KCNH7: variants seen among roughly 807,000 people sequenced by gnomAD.
KCNH7 encodes potassium voltage-gated channel subfamily H member 7, also known as voltage-gated inwardly rectifying potassium channel KCNH7.
A neutral mutation model predicts 120.8 loss-of-function variants in KCNH7; 49 were observed. That is an observed-to-expected ratio of 0.41 (90% CI 0.32 to 0.51). The LOEUF (loss-of-function observed/expected upper bound fraction) is 0.51. KCNH7 is among the 20% of genes least tolerant of loss of function. The pLI, the probability that KCNH7 is intolerant of heterozygous loss-of-function variation, is 0.38. For synonymous variants in KCNH7, 547 were observed against 516.1 expected (o/e 1.06, Z -0.81); for missense variants, 1,097 against 1,446.6 (o/e 0.76, Z 3.92).
intron 13 of KCNH7, among the ~76,000 whole-genome samples, chr2:162,384,027 G>A (rs1686502991): frequency 6.6e-6 from 1 of 151,652 alleles, no homozygotes; most frequent in Admixed American, 6.6e-5. Context: ...TGCTAAAATA[G>A]TTGTTCTTCC....
At chr2:162,672,976 A>G (rs895859434) in intron 2 of KCNH7, among the ~76,000 whole-genome samples, 19 of 152,034 alleles carry the variant, frequency 1.2e-4, no homozygotes, top group African/African-American at 4.6e-4. Context: ...AATTCCTAGT[A>G]AAATGTAGCT....
chr2:162,650,812 G>A (rs908245699), intron 2 of KCNH7, among the ~76,000 whole-genome samples: 3 of 152,084 alleles, frequency 2.0e-5, no homozygotes, highest in African/African-American at 2.4e-5. Flanking sequence ...TATCTGATAC[G>A]TAGGAGGCAT....
intron 2 of KCNH7, among the ~76,000 whole-genome samples, chr2:162,671,243 G>T (rs1302739281): frequency 1.3e-5 from 2 of 152,034 alleles, no homozygotes; most frequent in Non-Finnish European, 2.9e-5. Flanking sequence ...TTATCAAAAA[G>T]ACACCTAGAC....
chr2:162,786,915 C>T lies in KCNH7; in HGVS notation c.307+49622G>A, dbSNP rs146719376. 8.8e-3 allele frequency among the ~76,000 whole-genome samples: 1,344 copies of T among 152,238 alleles called. 24 individuals carry two copies. Among genetic ancestry groups the T allele is most frequent in the African/African-American group, 0.03 (1,266 of 41,534 alleles). On this transcript the variant is annotated intron_variant, in intron 2 of 15. Coordinates refer to ENST00000332142, the MANE Select transcript of KCNH7 (RefSeq NM_033272.4). The stretch of plus-strand genomic sequence containing the variant: ...AAGATTACAGCACTTGAGCGAAGCA[C>T]GAGAATAAGAAAAGATGCACAGCAG...
In KCNH7 at chr2:162,396,948, A is replaced by T. The variant is rs1302823120; in HGVS notation, c.2408-3T>A. On this transcript the variant is annotated splice_polypyrimidine_tract_variant and splice_region_variant and intron_variant, in intron 10 of 15. Transcript: ENST00000332142. ...TTCTCCAAATATATCATTTTTTCCTAAGAAAATATAAAGAAAAAGAGGCGG... is the reference window on the plus strand; with the variant it reads ...TTCTCCAAATATATCATTTTTTCCTTAGAAAATATAAAGAAAAAGAGGCGG... 1 of 1,588,616 alleles carries T rather than the reference A, an allele frequency of 6.3e-7. No homozygotes were observed. Among genetic ancestry groups the T allele is most frequent in the East Asian group, 2.3e-5 (1 of 44,410 alleles).
chr2:162,430,936 T>A (rs1688044718), intron 8 of KCNH7, among the ~76,000 whole-genome samples: 1 of 151,948 alleles, frequency 6.6e-6, no homozygotes, highest in Admixed American at 6.6e-5. Context: ...TATAAACATA[T>A]GAGCATCACT....
intron 2 of KCNH7, among the ~76,000 whole-genome samples, chr2:162,720,574 A>T (rs966379966): frequency 2.0e-5 from 3 of 151,932 alleles, no homozygotes; most frequent in Non-Finnish European, 4.4e-5. Flanking sequence ...ACAATTTAAA[A>T]ATAATAACAA....
intron 2 of KCNH7, among the ~76,000 whole-genome samples, chr2:162,710,430 T>C (rs1221312652): frequency 3.9e-5 from 6 of 152,212 alleles, no homozygotes; most frequent in South Asian, 4.1e-4. Flanking sequence ...CCTTTGGCAC[T>C]GGCCCTGCGG....
intron 2 of KCNH7, among the ~76,000 whole-genome samples, chr2:162,810,439 T>C (rs1684698968): frequency 6.6e-6 from 1 of 152,170 alleles, no homozygotes; most frequent in South Asian, 2.1e-4. Context: ...TGGCATCACA[T>C]CATAGGATAC....
At chr2:162,474,669 C>T (rs1489925905) in intron 6 of KCNH7, among the ~76,000 whole-genome samples, 2 of 152,272 alleles carry the variant, frequency 1.3e-5, no homozygotes, top group African/African-American at 4.8e-5. Context: ...CATACTCTCT[C>T]TTAGGCTGTT....
At chr2:162,794,770 C>T (rs190341120) in intron 2 of KCNH7, among the ~76,000 whole-genome samples, 90 of 151,988 alleles carry the variant, frequency 5.9e-4, no homozygotes, top group African/African-American at 1.6e-3. Flanking sequence ...TAGTAATATA[C>T]GACAATGCCT....
At chr2:162,583,956 A>G (rs1362720925) in intron 2 of KCNH7, among the ~76,000 whole-genome samples, 1 of 152,124 alleles carries the variant, frequency 6.6e-6, no homozygotes, top group Admixed American at 6.6e-5. Flanking sequence ...GATTTTAGAA[A>G]GGGCAGTACC....
intron 2 of KCNH7, among the ~76,000 whole-genome samples, chr2:162,690,215 G>A (rs1205364932): frequency 3.3e-5 from 5 of 151,958 alleles, no homozygotes; most frequent in African/African-American, 9.7e-5. Flanking sequence ...AACAACACAC[G>A]CTGACCTTTC....
intron 2 of KCNH7, among the ~76,000 whole-genome samples, chr2:162,778,211 T>C (rs1022477710): frequency 3.3e-5 from 5 of 152,190 alleles, no homozygotes; most frequent in African/African-American, 1.2e-4. Flanking sequence ...CAGTGCTCTA[T>C]ATATACATTT....
chr2:162,540,485 C>T (rs921835792), intron 2 of KCNH7, among the ~76,000 whole-genome samples: 7 of 152,072 alleles, frequency 4.6e-5, no homozygotes, highest in African/African-American at 1.7e-4. Context: ...TACCTAGTTG[C>T]ATTTTACAAT....
intron 7 of KCNH7, among the ~76,000 whole-genome samples, chr2:162,445,252 A>C (rs1009191134): frequency 6.6e-6 from 1 of 152,124 alleles, no homozygotes; most frequent in African/African-American, 2.4e-5. Flanking sequence ...TATGTAGAAA[A>C]AGACACAATT....
At chr2:162,648,258 C>T (rs1286870003) in intron 2 of KCNH7, among the ~76,000 whole-genome samples, 1 of 152,066 alleles carries the variant, frequency 6.6e-6, no homozygotes, top group African/African-American at 2.4e-5. Context: ...GGGAAGCAAG[C>T]ACATCTTCAC....
chr2:162,634,334 G>A (rs189971531), intron 2 of KCNH7, among the ~76,000 whole-genome samples: 1 of 152,048 alleles, frequency 6.6e-6, no homozygotes, highest in African/African-American at 2.4e-5. Flanking sequence ...AAGCACGCAG[G>A]TCCTGGTAGA....
intron 6 of KCNH7, among the ~76,000 whole-genome samples, chr2:162,459,538 T>C (rs1689081860): frequency 6.6e-6 from 1 of 152,112 alleles, no homozygotes; most frequent in Non-Finnish European, 1.5e-5. Flanking sequence ...AGCAGGTGGA[T>C]CTTTTCTTGC....
Sources: gnomAD v4.1 joint callset for allele counts (sites outside exome capture counted in the v4.1 genomes callset) on GRCh38, gnomAD v4.1.1 for gene constraint, MANE v1.5 for transcripts, NCBI Gene and HGNC (gene_info 2026-07-23, HGNC 2026-07-21) for gene names.